GARNL3: variants seen among roughly 807,000 people sequenced by gnomAD.
GARNL3 encodes GTPase-activating Rap/Ran-GAP domain-like protein 3.
GARNL3 carries 63 observed loss-of-function variants against 125.0 expected under a neutral mutation model. The observed-to-expected ratio is 0.50, with a 90% confidence interval of 0.41 to 0.62. The LOEUF (loss-of-function observed/expected upper bound fraction) is 0.62, where lower values mean the gene tolerates loss of function less well. GARNL3 is among the 20% of genes least tolerant of loss of function. GARNL3 has a pLI of 0.00. For missense variants in GARNL3, 994 were observed against 1,244.0 expected, an observed-to-expected ratio of 0.80 and a Z score of 3.02; for synonymous variants, 439 against 457.5, an observed-to-expected ratio of 0.96 and a Z score of 0.52.
upstream of GARNL3, among the ~76,000 whole-genome samples, chr9:127,263,255 C>A (rs898283839): frequency 6.6e-6 from 1 of 152,332 alleles, no homozygotes; most frequent in Admixed American, 6.5e-5. Context: ...ACCCCCTCAG[C>A]AGAGCTGATG....
intron 1 of GARNL3, among the ~76,000 whole-genome samples, chr9:127,285,249 T>C (rs1336743624): frequency 2.0e-5 from 3 of 152,164 alleles, no homozygotes; most frequent in Admixed American, 2.0e-4. Flanking sequence ...CTGACCAACA[T>C]GGAGAAACCC....
Position 127,368,159 on chromosome 9 carries a change from G to A in GARNL3, c.2161+2793G>A, listed in dbSNP as rs551092670. Among the ~76,000 whole-genome samples the A allele has an allele frequency of 3.2e-4, 49 of 151,098 alleles. 3 individuals are homozygous for A. In the South Asian group the frequency reaches 9.4e-3, roughly 29 times the overall value. ...GCCTCCTAAATAACAGAGAGGCGAC[G>A]GGATCCACAAGGTTGAAGAGGAGCA... On this transcript the variant is annotated intron_variant, in intron 22 of 27. Transcript: ENST00000373387.
chr9:127,361,754 C>G (rs1039817083), intron 21 of GARNL3: 4 of 152,294 alleles, frequency 2.6e-5, no homozygotes, highest in African/African-American at 9.6e-5. Flanking sequence ...AGCGTTGGAG[C>G]CCCTTGGTAG....
chr9:127,231,048 A>ATTTT (rs1437296463), intron 1 of GARNL3, among the ~76,000 whole-genome samples: 9 of 43,698 alleles, frequency 2.1e-4, no homozygotes, highest in African/African-American at 8.7e-4. Context: ...ATATATATAT[A>ATTTT]TATTTTTTTT....
At chr9:127,285,824 C>T (rs2064235748) in intron 1 of GARNL3, among the ~76,000 whole-genome samples, 1 of 152,032 alleles carries the variant, frequency 6.6e-6, no homozygotes. Context: ...TTCTTTTTGT[C>T]CCAATTTGCC....
chr9:127,342,318 T>C lies in GARNL3; in HGVS notation c.1235T>C (p.Met412Thr), dbSNP rs1164273077. The change falls in exon 14 of 28, where the codon ATG becomes ACG. Residue 412 changes from methionine (M) to threonine (T), a missense_variant. Coordinates refer to ENST00000373387, the MANE Select transcript of GARNL3 (RefSeq NM_032293.5). ...ATTAGATCTTTACACCAGGATTTGA[T>C]GCCAGATTTGCATAAGGTAATTCTG... Reference protein sequence around the residue: ...MLIRSLHQDLMPDLHKNMLNR... With the variant: ...MLIRSLHQDLTPDLHKNMLNR... 2.5e-6 allele frequency: 4 copies of C among 1,607,488 alleles called. No homozygotes were observed. The African/African-American group carries it at 5.3e-5, about 21-fold the overall frequency.
intron 1 of GARNL3, among the ~76,000 whole-genome samples, chr9:127,290,280 T>C (rs1386812115): frequency 6.7e-6 from 1 of 148,462 alleles, no homozygotes; most frequent in Non-Finnish European, 1.5e-5. Flanking sequence ...AGTTTTTCCC[T>C]AAATTTTTTC....
intron 11 of GARNL3, among the ~76,000 whole-genome samples, chr9:127,336,795 G>A (rs968620685): frequency 6.6e-6 from 1 of 152,240 alleles, no homozygotes; most frequent in African/African-American, 2.4e-5. Context: ...AGCTCTGCCA[G>A]ACAGGCATGG....
At chr9:127,231,238 T>A (rs1233692858) in intron 1 of GARNL3, among the ~76,000 whole-genome samples, 2 of 139,662 alleles carry the variant, frequency 1.4e-5, no homozygotes, top group Admixed American at 7.1e-5. Flanking sequence ...GTTTTTTTTT[T>A]TTTTTTTGTA....
chr9:127,353,196 G>A lies in GARNL3; in HGVS notation c.1544-650G>A, dbSNP rs527757074. 1.6e-4 allele frequency among the ~76,000 whole-genome samples: 25 copies of A among 152,126 alleles called. 1 individual carries two copies. The South Asian group carries it at 4.1e-3, about 25-fold the overall frequency. On this transcript the variant is annotated intron_variant, in intron 17 of 27. Coordinates refer to ENST00000373387, the MANE Select transcript of GARNL3 (RefSeq NM_032293.5). ...TCCCTGAGCATTCCCACTTCAGTTC[G>A]TTTTTCCTGCTGTTTTGGCAATTTA...
chr9:127,311,394 T>C (rs1359876665), intron 2 of GARNL3, among the ~76,000 whole-genome samples: 2 of 152,124 alleles, frequency 1.3e-5, no homozygotes, highest in African/African-American at 4.8e-5. Context: ...TTGGTACCCA[T>C]TTTAGGAATA....
In GARNL3 at chr9:127,391,849, G is replaced by A. The variant is rs557267887; in HGVS notation, c.2870+1082G>A. On this transcript the variant is annotated intron_variant, in intron 27 of 27. Coordinates refer to ENST00000373387, the MANE Select transcript of GARNL3 (RefSeq NM_032293.5). Reference sequence around the variant, plus strand: ...CAATGAATAGTAGTTAAGTCACACTGATTTGTCCTGTAAGATCTCTGTTAT... The same window carrying A: ...CAATGAATAGTAGTTAAGTCACACTAATTTGTCCTGTAAGATCTCTGTTAT... Among the ~76,000 whole-genome samples, 20 of 152,266 alleles carry A rather than the reference G, an allele frequency of 1.3e-4. No homozygotes were observed. In the East Asian group the frequency reaches 3.5e-3, roughly 26 times the overall value.
intron 24 of GARNL3, among the ~76,000 whole-genome samples, chr9:127,386,113 C>A (rs1391975820): frequency 6.6e-6 from 1 of 152,204 alleles, no homozygotes; most frequent in Non-Finnish European, 1.5e-5. Context: ...TTGCTGAACT[C>A]TTGTATCCAT....
chr9:127,359,906 G>T (rs1830893053), intron 21 of GARNL3, among the ~76,000 whole-genome samples: 1 of 152,094 alleles, frequency 6.6e-6, no homozygotes, highest in African/African-American at 2.4e-5. Context: ...GATGACTTCT[G>T]TGCTTTGTTT....
chr9:127,355,378 T>C lies in GARNL3; in HGVS notation c.1841T>C (p.Ile614Thr). ...GCAATTCGGAATAAACTGCTTCTGA[T>C]CACAAGAAAACACAACAAGCCAAGC... ...VVAIRNKLLL[I>T]TRKHNKPSGV... is the part of the protein sequence containing the mutation. The change falls in exon 20 of 28, where the codon ATC becomes ACC. Residue 614 changes from isoleucine (I) to threonine (T), a missense_variant. Transcript: ENST00000373387. 6.2e-7 allele frequency: 1 copy of C among 1,614,242 alleles called. No homozygotes were observed. The highest frequency in any genetic ancestry group is 8.5e-7 in the Non-Finnish European group (1 of 1,180,042).
intron 7 of GARNL3, among the ~76,000 whole-genome samples, chr9:127,330,852 C>A (rs1486809872): frequency 6.6e-6 from 1 of 152,128 alleles, no homozygotes; most frequent in Non-Finnish European, 1.5e-5. Context: ...TATAGAAAAC[C>A]ACTGTTAGTG....
intron 4 of GARNL3, among the ~76,000 whole-genome samples, chr9:127,316,729 A>G (rs2065250076): frequency 6.6e-6 from 1 of 152,160 alleles, no homozygotes; most frequent in Admixed American, 6.5e-5. Context: ...CTCAGCTCCA[A>G]AGACATCCTC....
chr9:127,283,269 A>C (rs2064149681), intron 1 of GARNL3, among the ~76,000 whole-genome samples: 1 of 152,196 alleles, frequency 6.6e-6, no homozygotes, highest in Admixed American at 6.5e-5. Flanking sequence ...TTCTACAATT[A>C]TGGAAATATT....
intron 22 of GARNL3, among the ~76,000 whole-genome samples, chr9:127,368,412 C>T (rs891910923): frequency 2.0e-5 from 3 of 151,086 alleles, no homozygotes; most frequent in African/African-American, 7.3e-5. Flanking sequence ...CTCACTGCAA[C>T]CTCTGCCTCC....
Sources: gnomAD v4.1 joint callset for allele counts (sites outside exome capture counted in the v4.1 genomes callset) on GRCh38, gnomAD v4.1.1 for gene constraint, MANE v1.5 for transcripts, NCBI Gene and HGNC (gene_info 2026-07-23, HGNC 2026-07-21) for gene names.